TRIM65: variants seen among roughly 807,000 people sequenced by gnomAD.
The protein encoded by TRIM65 is tripartite motif containing 65, also known as E3 ubiquitin-protein ligase TRIM65.
In TRIM65, 46 loss-of-function variants were observed where a neutral mutation model predicts 36.1. That is an observed-to-expected ratio of 1.27 (90% CI 1.01 to 1.63). The LOEUF (loss-of-function observed/expected upper bound fraction) is 1.63, where lower values mean the gene tolerates loss of function less well. TRIM65 is among the 40% of genes most tolerant of loss of function. The probability of loss-of-function intolerance (pLI) is 0.00; values close to 1 mark genes in which losing one functional copy is unlikely to be tolerated. For missense variants in TRIM65, 708 were observed against 696.6 expected, an observed-to-expected ratio of 1.02 and a Z score of -0.18; for synonymous variants, 346 against 313.6, an observed-to-expected ratio of 1.10 and a Z score of -1.09.
intron 1 of TRIM65, 67 bp from the exon 2 acceptor site, chr17:75,892,917 G>A: frequency 8.3e-6 from 12 of 1,440,124 alleles, no homozygotes; most frequent in Non-Finnish European, 1.1e-5. Context: ...TCCTTTCTCA[G>A]ACAACCAACC....
chr17:75,891,937 A>T (rs1023106720), intron 4 of TRIM65, 59 bp from the exon 5 acceptor site: 3 of 1,555,702 alleles, frequency 1.9e-6, no homozygotes, highest in Admixed American at 3.9e-5. Flanking sequence ...GTGGGCCCTG[A>T]CCCGCCTCCA....
At chr17:75,882,881 T>G (rs2143998100) in intron 4 of TRIM65, among the ~76,000 whole-genome samples, 1 of 149,882 alleles carries the variant, frequency 6.7e-6, no homozygotes, top group Middle Eastern at 3.4e-3. Flanking sequence ...GGTGTGGTGG[T>G]TCACGCCTAT....
chr17:75,896,939 G>A lies in TRIM65; in HGVS notation c.-2C>T. Reference sequence around the variant, plus strand: ...CTCCTCCAGCAGCTGCGCGGCCATGGCCCGGCGGCGGCGAGAGCCAGGCGG... The same window carrying A: ...CTCCTCCAGCAGCTGCGCGGCCATGACCCGGCGGCGGCGAGAGCCAGGCGG... On this transcript the variant is annotated 5_prime_UTR_variant, in exon 1 of 6. Transcript: ENST00000269383. 6.7e-7 allele frequency: 1 copy of A among 1,489,348 alleles called. No individual in the cohort carries two copies. Among genetic ancestry groups the A allele is most frequent in the Non-Finnish European group, 8.9e-7 (1 of 1,124,954 alleles). 92.3% of individuals were successfully genotyped at this position (1,489,348 alleles called of 1,614,324 possible).
rs1273491894 is a variant in TRIM65 at position 75,896,905 on chromosome 17, G to A, written c.33C>T (p.Thr11=). 2.6e-6 allele frequency: 4 copies of A among 1,513,564 alleles called. No homozygotes were observed. The highest frequency in any genetic ancestry group is 1.7e-4 in the Middle Eastern group (1 of 5,794). The allele number at this position is 1,513,564 out of a possible 1,614,324, so 93.8% of individuals were successfully genotyped here. MAAQLLEEKL[T]CAICLGLYQD... ...GGTAGAGCCCCAGGCAGATGGCGCA[G>A]GTCAGCTTCTCCTCCAGCAGCTGCG... The change falls in exon 1 of 6, where the codon ACC becomes ACT. Residue 11 remains threonine (T), a synonymous_variant. Coordinates refer to ENST00000269383, the MANE Select transcript of TRIM65 (RefSeq NM_173547.4).
At chr17:75,894,030 C>G (rs923187436) in intron 1 of TRIM65, among the ~76,000 whole-genome samples, 66 of 152,332 alleles carry the variant, frequency 4.3e-4, no homozygotes, top group African/African-American at 1.5e-3. Flanking sequence ...TTTTCCTTCA[C>G]CTCATCTCAG....
downstream of TRIM65, among the ~76,000 whole-genome samples, chr17:75,885,224 C>A (rs201068378): frequency 2.0e-5 from 3 of 152,218 alleles, no homozygotes; most frequent in East Asian, 5.8e-4. Context: ...CTGTGTCCAG[C>A]CCCAGGTTCC....
At chr17:75,891,776 ACACACAGGGG>A in intron 5 of TRIM65, 27 bp downstream of exon 5, 3 of 1,590,170 alleles carry the variant, frequency 1.9e-6, no homozygotes, top group Non-Finnish European at 2.6e-6. Flanking sequence ...TTGCACACGC[ACACACAGGGG>A]CACACATACA....
Position 75,896,836 on chromosome 17 carries a change from G to T in TRIM65, c.102C>A (p.Ala34=). Residue 34 remains alanine (A), a synonymous_variant, in exon 1 of 6, where the codon GCC becomes GCA. Coordinates refer to ENST00000269383, the MANE Select transcript of TRIM65 (RefSeq NM_173547.4). The stretch of plus-strand genomic sequence containing the variant: ...AGCGGTCCCACCAGTCCCGGATGCA[G>T]GCCCCGCAGAAGTTGTGGCCGCAGG... The part of the protein sequence containing the change: ...TLPCGHNFCG[A]CIRDWWDRCG... The T allele has an allele frequency of 6.5e-7, 1 of 1,526,882 alleles. No individual in the cohort carries two copies. Among genetic ancestry groups the T allele is most frequent in the Non-Finnish European group, 8.8e-7 (1 of 1,139,504 alleles). The allele number at this position is 1,526,882 out of a possible 1,614,324, so 94.6% of individuals were successfully genotyped here. A position where few individuals can be genotyped will look rare whatever the true frequency, so the allele number is the denominator to read the frequency against.
Position 75,892,979 on chromosome 17 carries a change from C to T in TRIM65, c.415-129G>A, listed in dbSNP as rs895579130. The T allele has an allele frequency of 9.2e-6, 7 of 764,788 alleles. No homozygotes were observed. In the African/African-American group the frequency reaches 1.2e-4, roughly 13 times the overall value. The allele number at this position is 764,788 out of a possible 1,614,324, so 47.4% of individuals were successfully genotyped here. ...CCCCACGCCACCCCAGGCCAGCCTC[C>T]AGAGCACCGGCCTCGGTCTAACCCA... On this transcript the variant is annotated intron_variant, in intron 1 of 5. Transcript: ENST00000269383.
intron 4 of TRIM65, among the ~76,000 whole-genome samples, chr17:75,883,790 G>A (rs1415697084): frequency 3.3e-5 from 5 of 151,922 alleles, no homozygotes; most frequent in Admixed American, 3.3e-4. Flanking sequence ...GCCTCCCAAA[G>A]TGCTGGGATT....
At position 75,891,178 on chromosome 17, in the gene TRIM65, G is replaced by A; in HGVS notation, c.1155C>T (p.Tyr385=). The stretch of plus-strand genomic sequence containing the variant: ...AGTGGTCTGACGCGCGCACCTCCCA[G>A]TAGTGGTGCCCGGCCTGGAAGCTCT... ...CAQSFQAGHH[Y]WEVRASDHSV... The change falls in exon 6 of 6, where the codon TAC becomes TAT. Residue 385 remains tyrosine (Y), a synonymous_variant. Coordinates refer to ENST00000269383, the MANE Select transcript of TRIM65 (RefSeq NM_173547.4). 1.2e-6 allele frequency: 2 copies of A among 1,610,926 alleles called. No individual in the cohort carries two copies. The highest frequency in any genetic ancestry group is 1.7e-6 in the Non-Finnish European group (2 of 1,179,970).
rs1306177110 is a variant in TRIM65, at chr17:75,892,154, AG to A, written c.775del (p.Pro261HisfsTer2). On this transcript the variant is annotated frameshift_variant, in exon 4 of 6. Coordinates refer to ENST00000269383, the MANE Select transcript of TRIM65 (RefSeq NM_173547.4). LOFTEE classifies it high-confidence loss of function. ...ESQLLQPPGP[L>X]GPLTPLQWDE... is the part of the protein sequence containing the mutation. Reference sequence around the variant, plus strand: ...CCACTGCAGAGGGGTCAGTGGCCCAAGAGGCCCTGGGGGCTGGAGGAGCTGC... The same window carrying A: ...CCACTGCAGAGGGGTCAGTGGCCCAAAGGCCCTGGGGGCTGGAGGAGCTGC... The A allele has an allele frequency of 6.4e-7, 1 of 1,570,086 alleles. No individual in the cohort carries two copies. Among genetic ancestry groups the A allele is most frequent in the South Asian group, 1.2e-5 (1 of 85,720 alleles).
Position 75,896,926 on chromosome 17 carries a change from C to A in TRIM65, c.12G>T (p.Gln4His). The change falls in exon 1 of 6, where the codon CAG becomes CAT. Residue 4 changes from glutamine to histidine, a missense_variant. Coordinates refer to ENST00000269383, the MANE Select transcript of TRIM65 (RefSeq NM_173547.4). MAA[Q>H]LLEEKLTCAI... ...CGCAGGTCAGCTTCTCCTCCAGCAG[C>A]TGCGCGGCCATGGCCCGGCGGCGGC... is the stretch of plus-strand genomic sequence containing the variant. The A allele has an allele frequency of 1.3e-6, 2 of 1,501,214 alleles. No individual in the cohort carries two copies. Among genetic ancestry groups the A allele is most frequent in the East Asian group, 5.6e-5 (2 of 35,898 alleles). 93.0% of individuals were successfully genotyped at this position (1,501,214 alleles called of 1,614,324 possible).
intron 4 of TRIM65, among the ~76,000 whole-genome samples, chr17:75,883,921 T>G (rs138398539): frequency 6.6e-6 from 1 of 152,278 alleles, no homozygotes; most frequent in Non-Finnish European, 1.5e-5. Context: ...GTGGCTCATC[T>G]GTGACGAGGA....
At chr17:75,886,597 G>A (rs1043055337), downstream of TRIM65, among the ~76,000 whole-genome samples, 5 of 149,852 alleles carry the variant, frequency 3.3e-5, no homozygotes, top group South Asian at 2.1e-4. Context: ...CTTTATTAGC[G>A]CACAAAAACA....
intron 4 of TRIM65, among the ~76,000 whole-genome samples, chr17:75,883,280 C>T (rs902469324): frequency 2.1e-5 from 3 of 143,110 alleles, no homozygotes; most frequent in Non-Finnish European, 4.4e-5. Context: ...CCACGACCAG[C>T]TAATTTTTGT....
chr17:75,892,116 G>C lies in TRIM65; in HGVS notation c.814C>G (p.Gln272Glu). ...LTPLQWDEDQ[Q>E]LGDLKQLLSR... The stretch of plus-strand genomic sequence containing the variant: ...AGCAACTGCTTCAGGTCACCCAGCT[G>C]TTGGTCTTCATCCCACTGCAGAGGG... Residue 272 changes from glutamine to glutamate, a missense_variant, in exon 4 of 6, where the codon CAG (glutamine) becomes GAG (glutamate). Physicochemically the swap from Gln to Glu is conservative, Grantham distance 29. Transcript: ENST00000269383. 2 of 1,561,342 alleles carry C rather than the reference G, an allele frequency of 1.3e-6. No individual in the cohort carries two copies. Among genetic ancestry groups the C allele is most frequent in the East Asian group, 2.4e-5 (1 of 41,712 alleles).
downstream of TRIM65, among the ~76,000 whole-genome samples, chr17:75,887,737 G>C (rs929566294): frequency 2.0e-5 from 3 of 152,124 alleles, no homozygotes; most frequent in Non-Finnish European, 2.9e-5. Flanking sequence ...AAGAAAAGAG[G>C]GGGGCCGGAC....
At chr17:75,883,910 G>A (rs537962776) in intron 4 of TRIM65, among the ~76,000 whole-genome samples, 2 of 152,242 alleles carry the variant, frequency 1.3e-5, no homozygotes, top group East Asian at 1.9e-4. Context: ...GGCCAGGTGC[G>A]GTGGCTCATC....
Sources: gnomAD v4.1 joint callset for allele counts (sites outside exome capture counted in the v4.1 genomes callset) on GRCh38, gnomAD v4.1.1 for gene constraint, MANE v1.5 for transcripts, NCBI Gene and HGNC (gene_info 2026-07-23, HGNC 2026-07-21) for gene names.